The following PPP6R2 variants were observed in gnomAD, a reference collection of about 807,000 sequenced individuals.
PPP6R2 encodes the protein serine/threonine-protein phosphatase 6 regulatory subunit 2.
Under a neutral mutation model 100.2 loss-of-function variants are expected in PPP6R2, and 62 were observed. The observed-to-expected ratio is 0.62, with a 90% CI of 0.50 to 0.76. The LOEUF (loss-of-function observed/expected upper bound fraction) is 0.76, where lower values mean the gene tolerates loss of function less well. Among genes scored for constraint, PPP6R2 ranks in the 30% least tolerant of loss-of-function variants. PPP6R2 has a pLI of 0.00. For missense variants in PPP6R2, 1,142 were observed against 1,276.3 expected (o/e 0.89, Z 1.60); for synonymous variants, 525 against 514.7 (o/e 1.02, Z -0.27).
chr22:50,432,669 C>T (rs190505564), intron 12 of PPP6R2, among the ~76,000 whole-genome samples: 23 of 152,362 alleles, frequency 1.5e-4, no homozygotes, highest in Admixed American at 9.8e-4. Flanking sequence ...TCCGTCAGCA[C>T]TCGCACACAG....
rs185309322 is a variant in PPP6R2, at chr22:50,380,272, C to T, written c.-17+8122C>T. On this transcript the variant is annotated intron_variant, in intron 2 of 23. Transcript: ENST00000612753. ...ATTTTTAGTAGAGATGGGGTTTTACCGTGTTAGCCAGGACGGTCTCGATCT... is the reference window on the plus strand; with the variant it reads ...ATTTTTAGTAGAGATGGGGTTTTACTGTGTTAGCCAGGACGGTCTCGATCT... Among the ~76,000 whole-genome samples, 323 of 151,436 alleles carry T rather than the reference C, an allele frequency of 2.1e-3. 1 individual carries two copies. Among genetic ancestry groups the T allele is most frequent in the African/African-American group, 7.2e-3 (297 of 41,326 alleles).
chr22:50,386,921 C>G (rs373540536), intron 2 of PPP6R2, among the ~76,000 whole-genome samples: 1 of 152,124 alleles, frequency 6.6e-6, no homozygotes, highest in Admixed American at 6.5e-5. Flanking sequence ...AGAATGTCCC[C>G]CACACCTGCC....
At position 50,400,874 on chromosome 22, in the gene PPP6R2, A is replaced by C. The variant is rs142265012; in HGVS notation, c.228-5815A>C. ...ACATTAGCTGAGGGAAATTTCTCAT[A>C]TTGTTTCTTTGATATTTTCCCTCTT... On this transcript the variant is annotated intron_variant, in intron 3 of 23. Coordinates refer to ENST00000612753, the MANE Select transcript of PPP6R2 (RefSeq NM_001242898.2). Among the ~76,000 whole-genome samples, 664 of 152,128 alleles carry C rather than the reference A, an allele frequency of 4.4e-3. 8 individuals carry two copies. The highest frequency in any genetic ancestry group is 0.015 in the African/African-American group (618 of 41,508).
chr22:50,363,228 T>G (rs1485380477), intron 1 of PPP6R2, among the ~76,000 whole-genome samples: 1 of 152,160 alleles, frequency 6.6e-6, no homozygotes, highest in Non-Finnish European at 1.5e-5. Context: ...GCTGCAGCCT[T>G]CACTCTGCTG....
At position 50,443,846 on chromosome 22, in the gene PPP6R2, A is replaced by C; in HGVS notation, c.2580-20A>C. The stretch of plus-strand genomic sequence containing the variant: ...TGAGGGTGGGGGTGCCCGTAACCGG[A>C]GTCCATGTTTGCCACACAGGGTCGG... On this transcript the variant is annotated intron_variant, in intron 22 of 23. Coordinates refer to ENST00000612753, the MANE Select transcript of PPP6R2 (RefSeq NM_001242898.2). The C allele has an allele frequency of 6.4e-7, 1 of 1,559,046 alleles. No individual in the cohort carries two copies. Among genetic ancestry groups the C allele is most frequent in the South Asian group, 1.2e-5 (1 of 86,342 alleles).
At chr22:50,424,150 G>A (rs978666426) in intron 10 of PPP6R2, among the ~76,000 whole-genome samples, 35 of 152,186 alleles carry the variant, frequency 2.3e-4, no homozygotes, top group African/African-American at 8.0e-4. Flanking sequence ...TGTGGGTGGC[G>A]GGCTCCTCTG....
chr22:50,418,480 G>A (rs557388898), intron 6 of PPP6R2, among the ~76,000 whole-genome samples: 95 of 151,940 alleles, frequency 6.3e-4, no homozygotes, highest in African/African-American at 2.2e-3. Flanking sequence ...CCTTCTCCCA[G>A]GTTCAAGCCA....
intron 17 of PPP6R2, 54 bp downstream of exon 17, chr22:50,437,954 G>A: frequency 6.4e-7 from 1 of 1,565,486 alleles, no homozygotes; most frequent in South Asian, 1.1e-5. Context: ...GGCAGCTCAG[G>A]CCATGCCCAT....
chr22:50,433,038 CTG>C (rs1411343480), intron 12 of PPP6R2, among the ~76,000 whole-genome samples: 1 of 152,262 alleles, frequency 6.6e-6, no homozygotes, highest in Non-Finnish European at 1.5e-5. Context: ...ATTTCCCTGT[CTG>C]TAAAATGGAG....
intron 3 of PPP6R2, among the ~76,000 whole-genome samples, chr22:50,396,464 C>T (rs920570176): frequency 1.6e-4 from 24 of 148,706 alleles, no homozygotes; most frequent in Non-Finnish European, 3.4e-4. Flanking sequence ...CACTGCACTC[C>T]AGCCTGGGCG....
At chr22:50,363,905 T>A (rs1740926054) in intron 1 of PPP6R2, among the ~76,000 whole-genome samples, 1 of 152,000 alleles carries the variant, frequency 6.6e-6, no homozygotes. Flanking sequence ...TTTTTTTTTT[T>A]TTTTTGAGAC....
chr22:50,444,220 A>G lies in PPP6R2; in HGVS notation c.2853A>G (p.Glu951=). 1 of 1,613,186 alleles carries G rather than the reference A, an allele frequency of 6.2e-7. No individual in the cohort carries two copies. Among genetic ancestry groups the G allele is most frequent in the Non-Finnish European group, 8.5e-7 (1 of 1,179,870 alleles). Residue 951 remains glutamate, a synonymous_variant, in exon 24 of 24, where the codon GAA becomes GAG. Transcript: ENST00000612753. ...GCAGGAAGACAGATGCCCCGCCAGAAGGAGCTGCCTTAAATGGCCCAGTGT... is the reference window on the plus strand; with the variant it reads ...GCAGGAAGACAGATGCCCCGCCAGAGGGAGCTGCCTTAAATGGCCCAGTGT... ...TKDGKTDAPP[E]GAALNGPV is the part of the protein sequence containing the mutation.
chr22:50,431,384 T>TGAGTC lies in PPP6R2; in HGVS notation c.1335+3_1335+7dup, dbSNP rs767516118. ...CCTGACAACACAATGGTGACCCACG[T>TGAGTC]GAGTCCAAGAAGCATCCATCTTATC... On this transcript the variant is annotated splice_region_variant and intron_variant, in intron 11 of 23. Transcript: ENST00000612753. The surrounding 1 kb of genome is among the most constrained non-coding windows in gnomAD (Gnocchi z 4.8). The TGAGTC allele has an allele frequency of 4.3e-6, 7 of 1,611,154 alleles. No homozygotes were observed. The Admixed American group carries it at 5.0e-5, about 12-fold the overall frequency.
rs914465425 is a variant in PPP6R2 at position 50,362,512 on chromosome 22, G to A, written c.-147-9508G>A. Among the ~76,000 whole-genome samples, 13 of 152,290 alleles carry A rather than the reference G, an allele frequency of 8.5e-5. No individual in the cohort carries two copies. The East Asian group carries it at 9.6e-4, about 11-fold the overall frequency. ...TTACTGTGTTCCCGTTGCAGAGCACGTGCTCTGCATGGAGGCCTCATGCCA... is the reference window on the plus strand; with the variant it reads ...TTACTGTGTTCCCGTTGCAGAGCACATGCTCTGCATGGAGGCCTCATGCCA... On this transcript the variant is annotated intron_variant, in intron 1 of 23. Transcript: ENST00000612753.
intron 12 of PPP6R2, among the ~76,000 whole-genome samples, chr22:50,433,138 T>A (rs1454496489): frequency 3.3e-5 from 5 of 152,264 alleles, no homozygotes; most frequent in Admixed American, 1.3e-4. Flanking sequence ...CAGGTGCTAC[T>A]CAAACAGAAG....
At chr22:50,353,535 G>A (rs2045778132) in intron 1 of PPP6R2, among the ~76,000 whole-genome samples, 1 of 152,124 alleles carries the variant, frequency 6.6e-6, no homozygotes, top group Non-Finnish European at 1.5e-5. Flanking sequence ...AATAATGAAA[G>A]AGTTTGAAAT....
Position 50,376,280 on chromosome 22 carries a change from G to A in PPP6R2, c.-17+4130G>A, listed in dbSNP as rs539952777. Among the ~76,000 whole-genome samples the A allele has an allele frequency of 1.2e-4, 18 of 151,894 alleles. No individual in the cohort carries two copies. In the South Asian group the frequency reaches 3.5e-3, roughly 30 times the overall value. On this transcript the variant is annotated intron_variant, in intron 2 of 23. Transcript: ENST00000612753. ...GGCTGCTGTGAGCTATGATTGCACC[G>A]CTGCACTCCAGCCTGGGTGACAAAG...
At chr22:50,376,846 T>C (rs923774910) in intron 2 of PPP6R2, among the ~76,000 whole-genome samples, 3 of 151,948 alleles carry the variant, frequency 2.0e-5, no homozygotes, top group African/African-American at 7.2e-5. Flanking sequence ...GAGACCATGG[T>C]GAAACCCCGT....
intron 12 of PPP6R2, among the ~76,000 whole-genome samples, chr22:50,434,158 G>A (rs1298767092): frequency 3.2e-5 from 2 of 62,256 alleles, no homozygotes; most frequent in Admixed American, 3.3e-4. Context: ...GAGGAGGGCC[G>A]GGGGCGCAGA....
Sources: allele counts gnomAD v4.1 joint callset (sites outside exome capture counted in the v4.1 genomes callset), GRCh38; gene constraint gnomAD v4.1.1; non-coding constraint Gnocchi (gnomAD v3.1); transcripts MANE v1.5; gene names NCBI Gene and HGNC (gene_info 2026-07-23, HGNC 2026-07-21).